Variants in CCDC197 observed in about 807,000 individuals in gnomAD.
CCDC197 encodes the protein uncharacterized protein CCDC197.
A neutral mutation model predicts 13.4 loss-of-function variants in CCDC197; 24 were observed. The observed-to-expected ratio is 1.80, with a 90% CI of 1.30 to 2.53. The LOEUF is 2.53. CCDC197 is among the 30% of genes most tolerant of loss of function. The probability of loss-of-function intolerance (pLI) is 0.00; values close to 1 mark genes in which losing one functional copy is unlikely to be tolerated. For missense variants in CCDC197, 255 were observed against 148.8 expected (o/e 1.71, Z -3.71); for synonymous variants, 99 against 55.5 (o/e 1.78, Z -3.48).
In CCDC197 at chr14:94,001,251, CT is replaced by C. The variant is rs1261782251; in HGVS notation, c.296del (p.Phe99SerfsTer4). On this transcript the variant is annotated frameshift_variant, in exon 4 of 7. Transcript: ENST00000636493. LOFTEE classifies it high-confidence loss of function. ...AGGACACGCAGAAGCGCCTCGAGGC[CT>C]TCTGCCAGATGATCCAGGCTGTCCA... ...SQDTQKRLEA[F>X]CQMIQAVHRS... 1.3e-6 allele frequency: 1 copy of C among 780,768 alleles called. No homozygotes were observed. Among genetic ancestry groups the C allele is most frequent in the East Asian group, 2.4e-5 (1 of 41,240 alleles). 48.4% of individuals were successfully genotyped at this position (780,768 alleles called of 1,614,324 possible).
chr14:93,988,326 G>C (rs1431062667), intron 1 of CCDC197, among the ~76,000 whole-genome samples: 1 of 114,866 alleles, frequency 8.7e-6, no homozygotes, highest in Non-Finnish European at 1.8e-5. Context: ...GATGGAAGGA[G>C]GGGAAGGGAG....
intron 4 of CCDC197, among the ~76,000 whole-genome samples, chr14:94,002,972 C>T (rs900664973): frequency 1.3e-5 from 2 of 151,980 alleles, no homozygotes; most frequent in Non-Finnish European, 2.9e-5. Context: ...GCACATCTTA[C>T]CTGGTGGCAG....
intron 3 of CCDC197, chr14:94,000,871 G>T (rs1054880499): frequency 5.6e-5 from 19 of 339,312 alleles, no homozygotes; most frequent in Non-Finnish European, 7.9e-5. Flanking sequence ...GCAGTCTCCC[G>T]CCTCGCTCGG....
rs774248042 is a variant in CCDC197, at chr14:94,001,241, G to A, written c.284G>A (p.Arg95His). The stretch of plus-strand genomic sequence containing the variant: ...ACAGCCAGCCAGGACACGCAGAAGC[G>A]CCTCGAGGCCTTCTGCCAGATGATC... ...LFTASQDTQK[R>H]LEAFCQMIQA... The change falls in exon 4 of 7, where the codon CGC becomes CAC. Residue 95 changes from arginine to histidine, a missense_variant. Coordinates refer to ENST00000636493, the MANE Select transcript of CCDC197 (RefSeq NM_001351596.2). 2 of 780,830 alleles carry A rather than the reference G, an allele frequency of 2.6e-6. No homozygotes were observed. The highest frequency in any genetic ancestry group is 4.8e-6 in the Non-Finnish European group (2 of 418,010). 48.4% of individuals were successfully genotyped at this position (780,830 alleles called of 1,614,324 possible). A position where few individuals can be genotyped will look rare whatever the true frequency, so the allele number is the denominator to read the frequency against.
upstream of CCDC197, among the ~76,000 whole-genome samples, chr14:93,995,266 C>G (rs556636586): frequency 2.6e-5 from 4 of 152,310 alleles, no homozygotes; most frequent in Admixed American, 2.0e-4. Context: ...GGCTCTCACC[C>G]TGTGACTCCT....
At position 94,003,151 on chromosome 14, in the gene CCDC197, C is replaced by A; in HGVS notation, c.367-72C>A. Reference sequence around the variant, plus strand: ...CTATCCTGTCATTGCACAGACCACCCTGGGGACTCAGACCAGGGCATATGC... The same window carrying A: ...CTATCCTGTCATTGCACAGACCACCATGGGGACTCAGACCAGGGCATATGC... On this transcript the variant is annotated intron_variant, in intron 4 of 6. Coordinates refer to ENST00000636493, the MANE Select transcript of CCDC197 (RefSeq NM_001351596.2). The surrounding 1 kb of genome is among the most constrained non-coding windows in gnomAD (Gnocchi z 5.0). 2 of 727,010 alleles carry A rather than the reference C, an allele frequency of 2.8e-6. No homozygotes were observed. The highest frequency in any genetic ancestry group is 5.1e-6 in the Non-Finnish European group (2 of 390,608). 45.0% of individuals were successfully genotyped at this position (727,010 alleles called of 1,614,324 possible).
Position 94,008,788 on chromosome 14 carries a change from T to C in CCDC197, c.795T>C (p.Ala265=), listed in dbSNP as rs1461806622. ...GGACCCCCTTTCCCAGCCCCCATGCTTCAGAGTGCTCCGGCCTGTACTGAC... is the reference window on the plus strand; with the variant it reads ...GGACCCCCTTTCCCAGCCCCCATGCCTCAGAGTGCTCCGGCCTGTACTGAC... ...TPRTPFPSPH[A]SECSGLY is the part of the protein sequence containing the mutation. The change falls in exon 7 of 7, where the codon GCT becomes GCC. Residue 265 remains alanine, a synonymous_variant. Coordinates refer to ENST00000636493, the MANE Select transcript of CCDC197 (RefSeq NM_001351596.2). 2.8e-6 allele frequency: 2 copies of C among 702,534 alleles called. No homozygotes were observed. The highest frequency in any genetic ancestry group is 2.0e-5 in the Admixed American group (1 of 50,016). The allele number at this position is 702,534 out of a possible 1,614,324, so 43.5% of individuals were successfully genotyped here.
At chr14:94,002,843 G>C (rs1316036383) in intron 4 of CCDC197, among the ~76,000 whole-genome samples, 2 of 122,370 alleles carry the variant, frequency 1.6e-5, no homozygotes, top group Non-Finnish European at 3.3e-5. Context: ...AAAAGAGTGA[G>C]ACTGTCTCAA....
In CCDC197 at chr14:94,003,169, G is replaced by A; in HGVS notation, c.367-54G>A. ...GACCACCCTGGGGACTCAGACCAGG[G>A]CATATGCCCTGGAGGGTTTGTTGTA... is the stretch of plus-strand genomic sequence containing the variant. On this transcript the variant is annotated intron_variant, in intron 4 of 6. Coordinates refer to ENST00000636493, the MANE Select transcript of CCDC197 (RefSeq NM_001351596.2). This position sits in a 1 kb window ranked among gnomAD's most constrained non-coding sequence, Gnocchi z 5.0. The A allele has an allele frequency of 1.3e-6, 1 of 758,316 alleles. No individual in the cohort carries two copies. The highest frequency in any genetic ancestry group is 2.5e-6 in the Non-Finnish European group (1 of 406,538). The allele number at this position is 758,316 out of a possible 1,614,324, so 47.0% of individuals were successfully genotyped here. A position where few individuals can be genotyped will look rare whatever the true frequency, so the allele number is the denominator to read the frequency against.
chr14:93,998,328 C>A, intron 2 of CCDC197, 93 bp downstream of exon 2: 1 of 705,198 alleles, frequency 1.4e-6, no homozygotes, highest in Admixed American at 2.0e-5. Context: ...CCCGAGGAGG[C>A]CAGGACAGGG....
chr14:93,990,666 A>T (rs750003273), intron 1 of CCDC197, among the ~76,000 whole-genome samples: 3 of 152,156 alleles, frequency 2.0e-5, no homozygotes, highest in Non-Finnish European at 4.4e-5. Context: ...CAGCTCTGAC[A>T]GATTGGGGTG....
intron 2 of CCDC197, among the ~76,000 whole-genome samples, chr14:93,998,728 C>T (rs534405127): frequency 2.0e-5 from 3 of 152,258 alleles, no homozygotes; most frequent in Non-Finnish European, 2.9e-5. Context: ...GATTCAGAGG[C>T]CTTCCTGATC....
intron 2 of CCDC197, 27 bp from the exon 3 acceptor site, chr14:93,999,556 G>A (rs1443365948): frequency 2.6e-6 from 2 of 780,338 alleles, no homozygotes; most frequent in Non-Finnish European, 4.8e-6. Flanking sequence ...GAGCCTCCAG[G>A]CCATGTTCCT....
At chr14:94,002,222 C>G (rs952212384) in intron 4 of CCDC197, among the ~76,000 whole-genome samples, 2 of 152,256 alleles carry the variant, frequency 1.3e-5, no homozygotes, top group African/African-American at 4.8e-5. Flanking sequence ...CTGCGTCTGT[C>G]TTTCTCTCTC....
chr14:93,990,381 T>C (rs1185523746), intron 1 of CCDC197, among the ~76,000 whole-genome samples: 2 of 152,162 alleles, frequency 1.3e-5, no homozygotes, highest in Admixed American at 1.3e-4. Flanking sequence ...CTTGACCTCG[T>C]TAGCCGTGTT....
Position 94,001,148 on chromosome 14 carries a change from G to A in CCDC197, c.191G>A (p.Cys64Tyr), listed in dbSNP as rs1351622008. ...CGCCATGGCGCTGTCTCCGTAGGCT[G>A]CACGGGATGGGAGGAGCCGGAGGAG... ...IKVLEKIPEGCTGWEEPEEVL... is the reference protein window; with the variant it reads ...IKVLEKIPEGYTGWEEPEEVL... Residue 64 changes from cysteine (C) to tyrosine (Y), a missense_variant, in exon 4 of 7, where the codon TGC becomes TAC. Transcript: ENST00000636493. 2.6e-6 allele frequency: 2 copies of A among 777,596 alleles called. No individual in the cohort carries two copies. The highest frequency in any genetic ancestry group is 1.7e-5 in the Admixed American group (1 of 58,612). 48.2% of individuals were successfully genotyped at this position (777,596 alleles called of 1,614,324 possible).
rs1261687504 is a variant in CCDC197, at chr14:93,999,497, T to A, written c.105-86T>A. 20 of 757,690 alleles carry A rather than the reference T, an allele frequency of 2.6e-5. No individual in the cohort carries two copies. The Middle Eastern group carries it at 7.6e-4, about 29-fold the overall frequency. 46.9% of individuals were successfully genotyped at this position (757,690 alleles called of 1,614,324 possible). On this transcript the variant is annotated intron_variant, in intron 2 of 6. Coordinates refer to ENST00000636493, the MANE Select transcript of CCDC197 (RefSeq NM_001351596.2). The stretch of plus-strand genomic sequence containing the variant: ...GCCCAGTGCACGTCCAAGCAGGAGA[T>A]CACAGAGGGTGGTCCAGGTTCATTC...
chr14:94,009,098 C>T (rs1890766904), downstream of CCDC197, among the ~76,000 whole-genome samples: 1 of 152,178 alleles, frequency 6.6e-6, no homozygotes, highest in Non-Finnish European at 1.5e-5. Context: ...CTCCTGGGAG[C>T]CGGGGCTACA....
intron 4 of CCDC197, among the ~76,000 whole-genome samples, chr14:94,002,812 C>T (rs114872938): frequency 0.01 from 1,491 of 148,468 alleles, 27 homozygotes; most frequent in African/African-American, 0.036. Flanking sequence ...AAGATTGTTC[C>T]GCTGCACTCC....
Sources: allele counts gnomAD v4.1 joint callset (sites outside exome capture counted in the v4.1 genomes callset), GRCh38; gene constraint gnomAD v4.1.1; non-coding constraint Gnocchi (gnomAD v3.1); transcripts MANE v1.5; gene names NCBI Gene and HGNC (gene_info 2026-07-23, HGNC 2026-07-21).